Variants in SP4 observed in about 807,000 individuals in gnomAD.
SP4 encodes the protein Sp4 transcription factor.
A neutral mutation model predicts 72.8 loss-of-function variants in SP4; 19 were observed. The observed-to-expected ratio is 0.26, with a 90% confidence interval of 0.18 to 0.38. The LOEUF (loss-of-function observed/expected upper bound fraction) is 0.38. Among genes scored for constraint, SP4 ranks in the 10% least tolerant of loss-of-function variants. SP4 has a pLI of 1.00. For missense variants in SP4, 1,008 were observed against 926.3 expected (o/e 1.09, Z -1.14); for synonymous variants, 395 against 333.1 (o/e 1.19, Z -2.02).
At chr7:21,429,145 C>T (rs1445431597) in intron 2 of SP4, 144 bp from the exon 3 acceptor site, 4 of 595,450 alleles carry the variant, frequency 6.7e-6, no homozygotes, top group African/African-American at 5.6e-5. Context: ...TACTTTTGTT[C>T]GTATTTCTTT....
chr7:21,431,743 C>T (rs1040313687), intron 3 of SP4, among the ~76,000 whole-genome samples: 17 of 152,142 alleles, frequency 1.1e-4, no homozygotes, highest in African/African-American at 4.1e-4. Flanking sequence ...AAACCCTTTT[C>T]ATTGATTCTG....
chr7:21,465,261 A>G lies in SP4; in HGVS notation c.1679-11818A>G, dbSNP rs1784130911. Among the ~76,000 whole-genome samples, 7 of 152,200 alleles carry G rather than the reference A, an allele frequency of 4.6e-5. No individual in the cohort carries two copies. The South Asian group carries it at 8.3e-4, about 18-fold the overall frequency. On this transcript the variant is annotated intron_variant, in intron 3 of 5. Transcript: ENST00000222584. ...TAGCTCAGGGAGTTTCAAAAGAGCA[A>G]TACCTTCAAGCATCAGAATTGATAG...
At chr7:21,479,833 T>G (rs905204394) in intron 4 of SP4, among the ~76,000 whole-genome samples, 1 of 152,244 alleles carries the variant, frequency 6.6e-6, no homozygotes, top group African/African-American at 2.4e-5. Flanking sequence ...GAGTATACAT[T>G]TTGTACTTTT....
intron 3 of SP4, among the ~76,000 whole-genome samples, chr7:21,475,462 G>C (rs1465978698): frequency 1.3e-5 from 2 of 151,382 alleles, no homozygotes; most frequent in Non-Finnish European, 2.9e-5. Flanking sequence ...GTTTGTTTCT[G>C]CTAGCATATT....
At chr7:21,458,258 T>C (rs1783837694) in intron 3 of SP4, among the ~76,000 whole-genome samples, 1 of 152,154 alleles carries the variant, frequency 6.6e-6, no homozygotes, top group Non-Finnish European at 1.5e-5. Context: ...AATGGCACAG[T>C]CTTGGCTCAC....
chr7:21,460,183 T>C lies in SP4; in HGVS notation c.1679-16896T>C, dbSNP rs1358226952. 2.6e-5 allele frequency among the ~76,000 whole-genome samples: 4 copies of C among 152,272 alleles called. No individual in the cohort carries two copies. In the South Asian group the frequency reaches 8.3e-4, roughly 32 times the overall value. ...TGGTGGGTTCTTGGTCTCAATGACT[T>C]CCAAGAATGAAGCCACGGACCCTTG... On this transcript the variant is annotated intron_variant, in intron 3 of 5. Transcript: ENST00000222584.
At chr7:21,444,077 G>T (rs778516333) in intron 3 of SP4, among the ~76,000 whole-genome samples, 1 of 152,162 alleles carries the variant, frequency 6.6e-6, no homozygotes, top group African/African-American at 2.4e-5. Context: ...GCAAGTAAAT[G>T]GTTTTAATAT....
intron 4 of SP4, among the ~76,000 whole-genome samples, chr7:21,481,297 A>G (rs963478502): frequency 6.6e-6 from 1 of 152,194 alleles, no homozygotes; most frequent in African/African-American, 2.4e-5. Flanking sequence ...TAGGAATCAT[A>G]TTCTTAGCTG....
At chr7:21,474,529 T>C (rs1195328988) in intron 3 of SP4, among the ~76,000 whole-genome samples, 1 of 152,264 alleles carries the variant, frequency 6.6e-6, no homozygotes, top group Non-Finnish European at 1.5e-5. Context: ...AAGGTCATCC[T>C]TAAGCCATCT....
intron 3 of SP4, among the ~76,000 whole-genome samples, chr7:21,461,016 T>C (rs1045318417): frequency 2.6e-5 from 4 of 152,206 alleles, no homozygotes; most frequent in Non-Finnish European, 5.9e-5. Flanking sequence ...GAGTGCTGAT[T>C]GGTGTGTTTA....
At chr7:21,448,798 A>G (rs1235083755) in intron 3 of SP4, among the ~76,000 whole-genome samples, 4 of 152,142 alleles carry the variant, frequency 2.6e-5, no homozygotes, top group African/African-American at 9.7e-5. Flanking sequence ...CTTATTTTCT[A>G]TTACATTGTC....
chr7:21,440,143 T>G (rs1309826686), intron 3 of SP4, among the ~76,000 whole-genome samples: 1 of 152,186 alleles, frequency 6.6e-6, no homozygotes, highest in East Asian at 1.9e-4. Flanking sequence ...CTCACATTTT[T>G]GCTTGGGTAC....
intron 5 of SP4, among the ~76,000 whole-genome samples, chr7:21,490,284 A>G (rs946850214): frequency 1.9e-4 from 29 of 152,208 alleles, no homozygotes; most frequent in African/African-American, 7.0e-4. Context: ...GCAGGTAGCA[A>G]ACAATCTAAG....
chr7:21,457,288 C>G (rs1344308322), intron 3 of SP4, among the ~76,000 whole-genome samples: 1 of 152,126 alleles, frequency 6.6e-6, no homozygotes, highest in Admixed American at 6.5e-5. Flanking sequence ...CTGAGATGCT[C>G]TTATTGCCCC....
At chr7:21,433,002 A>T (rs560080966) in intron 3 of SP4, among the ~76,000 whole-genome samples, 1 of 152,260 alleles carries the variant, frequency 6.6e-6, no homozygotes, top group Admixed American at 6.5e-5. Flanking sequence ...TCAAACAAAC[A>T]AACTCACTGA....
At chr7:21,440,985 T>C (rs1452508250) in intron 3 of SP4, among the ~76,000 whole-genome samples, 2 of 152,242 alleles carry the variant, frequency 1.3e-5, no homozygotes, top group Non-Finnish European at 2.9e-5. Flanking sequence ...TAAACCTGTC[T>C]TAAAATGATG....
intron 5 of SP4, among the ~76,000 whole-genome samples, chr7:21,494,622 G>A (rs1340085731): frequency 6.6e-6 from 1 of 151,234 alleles, no homozygotes; most frequent in Non-Finnish European, 1.5e-5. Flanking sequence ...ATGAAAGAAT[G>A]CAATGAAGAA....
At chr7:21,510,045 C>T (rs1782103368) in intron 5 of SP4, among the ~76,000 whole-genome samples, 2 of 152,098 alleles carry the variant, frequency 1.3e-5, no homozygotes, top group African/African-American at 4.8e-5. Context: ...TCTTGTGAGG[C>T]TTATTCTCAA....
At chr7:21,482,555 C>G in intron 5 of SP4, 2 of 523,410 alleles carry the variant, frequency 3.8e-6, no homozygotes, top group Non-Finnish European at 4.9e-6. Context: ...TCTAACAACC[C>G]TCAGTCAGAA....
Sources: allele counts gnomAD v4.1 joint callset (sites outside exome capture counted in the v4.1 genomes callset), GRCh38; gene constraint gnomAD v4.1.1; transcripts MANE v1.5; gene names NCBI Gene and HGNC (gene_info 2026-07-23, HGNC 2026-07-21).